Variants in XRCC5 observed in about 807,000 individuals in gnomAD.
XRCC5 encodes X-ray repair cross complementing 5.
Under a neutral mutation model 95.7 loss-of-function variants are expected in XRCC5, and 12 were observed. The ratio of observed to expected loss-of-function variants is 0.13; its 90% CI spans 0.08 to 0.20. The LOEUF is 0.20. Ranked by LOEUF, XRCC5 falls within the 10% of genes least tolerant of loss-of-function variation. The probability of loss-of-function intolerance (pLI) is 1.00; values close to 1 mark genes in which losing one functional copy is unlikely to be tolerated. For synonymous variants in XRCC5, 281 were observed against 290.3 expected, an observed-to-expected ratio of 0.97 and a Z score of 0.33; for missense variants, 595 against 873.9, an observed-to-expected ratio of 0.68 and a Z score of 4.02.
At chr2:216,172,467 TTC>T (rs1380933445) in intron 16 of XRCC5, among the ~76,000 whole-genome samples, 7 of 124,092 alleles carry the variant, frequency 5.6e-5, no homozygotes, top group African/African-American at 2.1e-4. Context: ...AGCTTTTCTT[TTC>T]TTTTTTTTTT....
intron 16 of XRCC5, among the ~76,000 whole-genome samples, chr2:216,183,661 G>T (rs1689435321): frequency 6.6e-6 from 1 of 152,086 alleles, no homozygotes; most frequent in East Asian, 1.9e-4. Flanking sequence ...TTTCTGTTCT[G>T]AAAGGGAAGC....
chr2:216,131,207 A>G lies in XRCC5; in HGVS notation c.1050+220A>G, dbSNP rs933663792. The stretch of plus-strand genomic sequence containing the variant: ...TATATGAGCATAGCAAACTAAAAAT[A>G]CAGGATGGTTTTTGAATGGGGAATG... On this transcript the variant is annotated intron_variant, in intron 9 of 20. Coordinates refer to ENST00000392132, the MANE Select transcript of XRCC5 (RefSeq NM_021141.4). 1.4e-5 allele frequency: 14 copies of G among 985,336 alleles called. No individual in the cohort carries two copies. The African/African-American group carries it at 2.1e-4, about 15-fold the overall frequency. 61.0% of individuals were successfully genotyped at this position (985,336 alleles called of 1,614,324 possible).
In XRCC5 at chr2:216,133,458, G is replaced by A. The variant is rs535936609; in HGVS notation, c.1113+1071G>A. ...CCCAGATAGCTGGGACTATAGGTGT[G>A]CGCCACCATTCCTTGCTTCTGCTGA... On this transcript the variant is annotated intron_variant, in intron 10 of 20. Transcript: ENST00000392132. 3.9e-5 allele frequency among the ~76,000 whole-genome samples: 6 copies of A among 152,296 alleles called. No homozygotes were observed. In the South Asian group the frequency reaches 1.0e-3, roughly 26 times the overall value.
At chr2:216,193,477 A>G (rs1000955877) in intron 18 of XRCC5, among the ~76,000 whole-genome samples, 1 of 152,250 alleles carries the variant, frequency 6.6e-6, no homozygotes, top group African/African-American at 2.4e-5. Context: ...TGAATTCTAT[A>G]TAAAAAGAAT....
At chr2:216,135,093 TTTTTTG>T in intron 10 of XRCC5, among the ~76,000 whole-genome samples, 1 of 59,490 alleles carries the variant, frequency 1.7e-5, no homozygotes, top group Admixed American at 1.8e-4. Context: ...GGGTCATAGT[TTTTTTG>T]TTTGTTTGTT....
intron 16 of XRCC5, among the ~76,000 whole-genome samples, chr2:216,169,884 AC>A (rs1254245000): frequency 1.3e-5 from 2 of 150,286 alleles, no homozygotes; most frequent in Non-Finnish European, 3.0e-5. Flanking sequence ...AAAAAAAAAA[AC>A]AAACTTAGGT....
chr2:216,146,058 T>G (rs947629091), intron 13 of XRCC5, among the ~76,000 whole-genome samples: 21 of 152,218 alleles, frequency 1.4e-4, no homozygotes, highest in African/African-American at 5.1e-4. Flanking sequence ...TTGGATTTGC[T>G]TAAACAGTTT....
intron 3 of XRCC5, chr2:216,117,345 C>T: frequency 5.1e-6 from 1 of 195,006 alleles, no homozygotes; most frequent in Non-Finnish European, 1.1e-5. Flanking sequence ...TTTTTCTAAT[C>T]AGTTAGTAGT....
intron 12 of XRCC5, 83 bp downstream of exon 12, chr2:216,138,262 G>T: frequency 1.6e-6 from 2 of 1,253,982 alleles, no homozygotes; most frequent in Non-Finnish European, 2.3e-6. Flanking sequence ...GTTGGTTGGG[G>T]CTAGGTATTT....
chr2:216,182,039 A>G (rs1689398650), intron 16 of XRCC5, among the ~76,000 whole-genome samples: 1 of 152,140 alleles, frequency 6.6e-6, no homozygotes, highest in South Asian at 2.1e-4. Flanking sequence ...GTCTTTCTAA[A>G]ATTTCTGGTA....
At chr2:216,184,333 G>A (rs1356228293) in intron 16 of XRCC5, among the ~76,000 whole-genome samples, 1 of 152,146 alleles carries the variant, frequency 6.6e-6, no homozygotes, top group Admixed American at 6.5e-5. Flanking sequence ...TAGAAATACA[G>A]CTTTTATCAA....
At chr2:216,160,474 G>C (rs753554855) in intron 15 of XRCC5, among the ~76,000 whole-genome samples, 1 of 152,078 alleles carries the variant, frequency 6.6e-6, no homozygotes. Context: ...AAAATGATAG[G>C]ATAAGTGGGG....
At chr2:216,169,877 A>G (rs1574476411) in intron 16 of XRCC5, among the ~76,000 whole-genome samples, 1 of 150,672 alleles carries the variant, frequency 6.6e-6, no homozygotes, top group East Asian at 1.9e-4. Context: ...AACTAAAAAA[A>G]AAAAAAACAA....
chr2:216,138,313 C>G, intron 12 of XRCC5, 134 bp downstream of exon 12: 1 of 749,920 alleles, frequency 1.3e-6, no homozygotes, highest in Non-Finnish European at 2.2e-6. Flanking sequence ...TACACTTAGA[C>G]ACAGTAATGA....
At chr2:216,195,815 A>G (rs1038100237) in intron 19 of XRCC5, among the ~76,000 whole-genome samples, 7 of 152,216 alleles carry the variant, frequency 4.6e-5, no homozygotes, top group African/African-American at 1.7e-4. Flanking sequence ...CGTAACACTC[A>G]GTTTCAGTTA....
chr2:216,182,423 T>C (rs1407805758), intron 16 of XRCC5, among the ~76,000 whole-genome samples: 1 of 152,164 alleles, frequency 6.6e-6, no homozygotes, highest in Non-Finnish European at 1.5e-5. Flanking sequence ...CACTATTATC[T>C]TACATTTTTC....
intron 10 of XRCC5, 78 bp from the exon 11 acceptor site, chr2:216,137,010 C>A: frequency 6.8e-7 from 1 of 1,460,410 alleles, no homozygotes; most frequent in Non-Finnish European, 9.1e-7. Context: ...AAAGTGATAA[C>A]AGTCTTAAAG....
chr2:216,181,657 T>C (rs1689390500), intron 16 of XRCC5, among the ~76,000 whole-genome samples: 1 of 152,234 alleles, frequency 6.6e-6, no homozygotes, highest in East Asian at 1.9e-4. Flanking sequence ...TATGACTCAT[T>C]AGATACTGCT....
chr2:216,146,889 G>A (rs207905), intron 13 of XRCC5, among the ~76,000 whole-genome samples: 1 of 152,122 alleles, frequency 6.6e-6, no homozygotes, highest in African/African-American at 2.4e-5. Context: ...AGCTGTTATC[G>A]GCCAGGTGCT....
Sources: allele counts gnomAD v4.1 joint callset (sites outside exome capture counted in the v4.1 genomes callset), GRCh38; gene constraint gnomAD v4.1.1; transcripts MANE v1.5; gene names NCBI Gene and HGNC (gene_info 2026-07-23, HGNC 2026-07-21).